The following SOX5 variants were observed in gnomAD, a reference collection of about 807,000 sequenced individuals.
The protein encoded by SOX5 is transcription factor SOX-5.
In SOX5, 9 loss-of-function variants were observed where a neutral mutation model predicts 92.0. That is an observed-to-expected ratio of 0.10 (90% CI 0.06 to 0.17). SOX5 has a LOEUF of 0.17. SOX5 is among the 10% of genes least tolerant of loss of function. The pLI, the probability that SOX5 is intolerant of heterozygous loss-of-function variation, is 1.00. For synonymous variants in SOX5, 344 were observed against 336.3 expected (o/e 1.02, Z -0.25); for missense variants, 642 against 944.5 (o/e 0.68, Z 4.20).
rs373063779 is a variant in SOX5 at position 23,829,921 on chromosome 12, AT to A, written c.481+16061del. 6.3e-4 allele frequency among the ~76,000 whole-genome samples: 96 copies of A among 152,242 alleles called. 1 individual carries two copies. The highest frequency in any genetic ancestry group is 1.9e-3 in the African/African-American group (80 of 41,552). On this transcript the variant is annotated intron_variant, in intron 3 of 14. Transcript: ENST00000451604. ...AAATAGAAGCTTTCTGGGACAAATG[AT>A]TTTCTTATAAAGACAACACTGGTAC...
At chr12:23,696,574 A>G (rs527893566) in intron 6 of SOX5, among the ~76,000 whole-genome samples, 1 of 152,202 alleles carries the variant, frequency 6.6e-6, no homozygotes, top group East Asian at 1.9e-4. Context: ...TTTTCAATAC[A>G]CTTTTTTCTC....
At chr12:23,947,316 C>T (rs1290334759) in intron 1 of SOX5, among the ~76,000 whole-genome samples, 4 of 151,716 alleles carry the variant, frequency 2.6e-5, no homozygotes, top group Admixed American at 6.6e-5. Context: ...TAGAAATGAC[C>T]TATTTATTCA....
intron 2 of SOX5, among the ~76,000 whole-genome samples, chr12:24,355,226 C>T (rs1954651188): frequency 6.8e-6 from 1 of 148,108 alleles, no homozygotes; most frequent in Non-Finnish European, 1.5e-5. Context: ...TCCCAGCCAG[C>T]TCATCACCAA....
chr12:24,068,179 T>G (rs1299714612), intron 4 of SOX5, among the ~76,000 whole-genome samples: 1 of 151,932 alleles, frequency 6.6e-6, no homozygotes, highest in Admixed American at 6.6e-5. Context: ...TAAAGGGTAA[T>G]AAGTAAAGGG....
chr12:23,873,095 T>C (rs2096892005), intron 2 of SOX5, among the ~76,000 whole-genome samples: 1 of 152,248 alleles, frequency 6.6e-6, no homozygotes, highest in Non-Finnish European at 1.5e-5. Flanking sequence ...AGTTACATTA[T>C]TTCTAGCCAA....
chr12:24,190,030 T>A (rs919305112), intron 4 of SOX5, among the ~76,000 whole-genome samples: 8 of 152,178 alleles, frequency 5.3e-5, no homozygotes, highest in Non-Finnish European at 1.0e-4. Flanking sequence ...ATCTGTTTCA[T>A]GTAGACAATG....
At chr12:24,424,224 A>T (rs1966365487) in intron 1 of SOX5, among the ~76,000 whole-genome samples, 1 of 152,150 alleles carries the variant, frequency 6.6e-6, no homozygotes, top group South Asian at 2.1e-4. Context: ...TGCCTGAAGG[A>T]TCTGTCTAGC....
At position 23,731,618 on chromosome 12, in the gene SOX5, T is replaced by G. The variant is rs55723224; in HGVS notation, c.810+3066A>C. On this transcript the variant is annotated intron_variant, in intron 6 of 14. Transcript: ENST00000451604. ...CAACAATGAGCAAAATGTAGGAAAA[T>G]ATTATCTTTCCTGTCATGTAACATA... Among the ~76,000 whole-genome samples the G allele has an allele frequency of 6.4e-3, 969 of 152,252 alleles. 13 individuals carry two copies. The highest frequency in any genetic ancestry group is 0.022 in the African/African-American group (926 of 41,556).
At chr12:23,838,416 A>G (rs1317802229) in intron 3 of SOX5, among the ~76,000 whole-genome samples, 1 of 151,798 alleles carries the variant, frequency 6.6e-6, no homozygotes, top group African/African-American at 2.4e-5. Context: ...AATAAAAGTG[A>G]GTCTATTTAT....
In SOX5 at chr12:23,991,871, C is replaced by T. The variant is rs559538894; in HGVS notation, c.-1-95847G>A. Among the ~76,000 whole-genome samples, 72 of 151,804 alleles carry T rather than the reference C, an allele frequency of 4.7e-4. 1 individual carries two copies. Among genetic ancestry groups the T allele is most frequent in the African/African-American group, 1.4e-3 (60 of 41,454 alleles). The stretch of plus-strand genomic sequence containing the variant: ...CTAGCCAAATCTATAATTCTGATAA[C>T]GACTTTAACCTGGTTTTAATACTAT... On this transcript the variant is annotated intron_variant, in intron 4 of 4. Transcript: ENST00000446891.
At chr12:23,797,050 C>A in intron 3 of SOX5, among the ~76,000 whole-genome samples, 1 of 151,420 alleles carries the variant, frequency 6.6e-6, no homozygotes, top group East Asian at 1.9e-4. Flanking sequence ...CCATCTCCAA[C>A]GTAAAATCTG....
chr12:24,406,942 G>C (rs1963097567), intron 1 of SOX5, among the ~76,000 whole-genome samples: 1 of 152,166 alleles, frequency 6.6e-6, no homozygotes, highest in Non-Finnish European at 1.5e-5. Flanking sequence ...GGTAGACAGG[G>C]GTGATGGGCA....
At chr12:23,841,217 A>G (rs2096510314) in intron 3 of SOX5, among the ~76,000 whole-genome samples, 1 of 152,158 alleles carries the variant, frequency 6.6e-6, no homozygotes, top group African/African-American at 2.4e-5. Context: ...AAAGATGCTG[A>G]ACATTTCTTA....
intron 4 of SOX5, among the ~76,000 whole-genome samples, chr12:24,164,678 A>G (rs1953176361): frequency 6.6e-6 from 1 of 152,098 alleles, no homozygotes; most frequent in South Asian, 2.1e-4. Context: ...AAAACTGAGG[A>G]AATAGATTGG....
chr12:23,677,128 C>T (rs1264568926), intron 6 of SOX5, among the ~76,000 whole-genome samples: 1 of 152,146 alleles, frequency 6.6e-6, no homozygotes, highest in Non-Finnish European at 1.5e-5. Flanking sequence ...ATTCAGGATT[C>T]ATGACTTTTC....
intron 4 of SOX5, among the ~76,000 whole-genome samples, chr12:23,747,046 C>A (rs758017603): frequency 1.1e-4 from 17 of 152,052 alleles, no homozygotes; most frequent in Non-Finnish European, 1.9e-4. Context: ...TTCATTAAAT[C>A]TCTTTCTTTT....
intron 1 of SOX5, among the ~76,000 whole-genome samples, chr12:23,896,462 T>TGGC (rs1332695272): frequency 3.9e-5 from 6 of 152,102 alleles, no homozygotes; most frequent in African/African-American, 1.4e-4. Context: ...ATAGACTCAA[T>TGGC]ATATAAATGA....
chr12:23,652,557 C>T, intron 7 of SOX5, among the ~76,000 whole-genome samples: 1 of 148,522 alleles, frequency 6.7e-6, no homozygotes, highest in Non-Finnish European at 1.5e-5. Context: ...AGCTGTCCCA[C>T]AATAAGCTCC....
At chr12:24,324,456 G>A (rs758656075) in intron 2 of SOX5, among the ~76,000 whole-genome samples, 4 of 151,144 alleles carry the variant, frequency 2.6e-5, no homozygotes, top group Non-Finnish European at 5.9e-5. Flanking sequence ...TTTTACGTGG[G>A]CAACTCTATA....
Sources: allele counts gnomAD v4.1 joint callset (sites outside exome capture counted in the v4.1 genomes callset), GRCh38; gene constraint gnomAD v4.1.1; transcripts MANE v1.5; gene names NCBI Gene and HGNC (gene_info 2026-07-23, HGNC 2026-07-21).